Variants in NEK5 observed in about 807,000 individuals in gnomAD.
NEK5 encodes the protein NIMA related kinase 5, also known as serine/threonine-protein kinase Nek5.
Under a neutral mutation model 109.2 loss-of-function variants are expected in NEK5, and 88 were observed. That is an observed-to-expected ratio of 0.81 (90% CI 0.68 to 0.96). The LOEUF (loss-of-function observed/expected upper bound fraction) is 0.96, where lower values mean the gene tolerates loss of function less well. Among genes scored for constraint, NEK5 ranks in the 40% least tolerant of loss-of-function variants. The probability of loss-of-function intolerance (pLI) is 0.00; values close to 1 mark genes in which losing one functional copy is unlikely to be tolerated. For synonymous variants in NEK5, 283 were observed against 299.9 expected (o/e 0.94, Z 0.58); for missense variants, 834 against 920.7 (o/e 0.91, Z 1.22).
At chr13:52,052,933 A>T (rs1486401497) in intron 22 of NEK5, among the ~76,000 whole-genome samples, 1 of 152,144 alleles carries the variant, frequency 6.6e-6, no homozygotes, top group Non-Finnish European at 1.5e-5. Context: ...GTACAAATTT[A>T]GGGTTGGCTT....
At chr13:52,099,944 A>T in intron 11 of NEK5, 68 bp from the exon 12 acceptor site, 1 of 1,224,340 alleles carries the variant, frequency 8.2e-7, no homozygotes, top group Non-Finnish European at 1.2e-6. Flanking sequence ...TGATACTTGT[A>T]AGAGTATAAA....
At chr13:52,091,293 A>G (rs1358526885) in intron 13 of NEK5, among the ~76,000 whole-genome samples, 3 of 152,152 alleles carry the variant, frequency 2.0e-5, no homozygotes, top group Admixed American at 6.5e-5. Context: ...AGAAAAGAGA[A>G]AGGGAGTTTT....
chr13:52,103,687 G>C (rs1179269856), intron 9 of NEK5, among the ~76,000 whole-genome samples: 1 of 152,178 alleles, frequency 6.6e-6, no homozygotes, highest in Non-Finnish European at 1.5e-5. Flanking sequence ...TGCTGAACAC[G>C]GGCTTTCTTT....
At chr13:52,080,219 G>C (rs1393163459) in intron 17 of NEK5, among the ~76,000 whole-genome samples, 2 of 138,912 alleles carry the variant, frequency 1.4e-5, no homozygotes, top group Non-Finnish European at 3.3e-5. Context: ...GGAGGTGGGG[G>C]GGGGTCAGCC....
intron 23 of NEK5, among the ~76,000 whole-genome samples, chr13:52,046,703 C>A (rs1954462691): frequency 6.6e-6 from 1 of 151,698 alleles, no homozygotes; most frequent in Admixed American, 6.6e-5. Flanking sequence ...TGCACTCCAA[C>A]CTGGGTGATA....
chr13:52,053,437 T>A (rs1399796981), intron 22 of NEK5, among the ~76,000 whole-genome samples: 1 of 152,236 alleles, frequency 6.6e-6, no homozygotes, highest in African/African-American at 2.4e-5. Flanking sequence ...CTGAGTGCCC[T>A]ATTTTTAATT....
At chr13:52,100,418 G>A (rs1304490730) in intron 11 of NEK5, among the ~76,000 whole-genome samples, 1 of 152,166 alleles carries the variant, frequency 6.6e-6, no homozygotes, top group East Asian at 1.9e-4. Context: ...TGGGCCACCA[G>A]GTCCAGCTAA....
At chr13:52,056,420 T>C (rs970580608) in intron 22 of NEK5, among the ~76,000 whole-genome samples, 6 of 151,126 alleles carry the variant, frequency 4.0e-5, no homozygotes, top group African/African-American at 7.3e-5. Context: ...TACCCAGGAA[T>C]TGAACTCAGC....
chr13:52,070,380 A>G (rs975358818), intron 20 of NEK5, among the ~76,000 whole-genome samples: 1 of 152,150 alleles, frequency 6.6e-6, no homozygotes, highest in African/African-American at 2.4e-5. Context: ...TTAGTAACTG[A>G]TATCGTTTGG....
rs576037994 is a variant in NEK5 at position 52,042,250 on chromosome 13, A to T, written c.2229-5032T>A. On this transcript the variant is annotated intron_variant, in intron 23 of 23. Coordinates refer to ENST00000684899, the MANE Select transcript of NEK5 (RefSeq NM_001365552.1). ...ACATATCATAAATAATTACTAAAGA[A>T]TATACATCAACAAGAAAAAAACTGA... Among the ~76,000 whole-genome samples the T allele has an allele frequency of 8.0e-4, 122 of 151,996 alleles. No homozygotes were observed. The South Asian group carries it at 0.024, about 30-fold the overall frequency.
rs754004977 is a variant in NEK5 at position 52,127,438 on chromosome 13, G to A, written c.45C>T (p.Phe15=). Residue 15 remains phenylalanine, a synonymous_variant, in exon 3 of 24, where the codon TTC becomes TTT. Coordinates refer to ENST00000684899, the MANE Select transcript of NEK5 (RefSeq NM_001365552.1). ...DVIKAIGQGA[F]GKAYLAKGKS... ...TCCCTTTAGCTAAGTATGCTTTCCC[G>A]AAGGCACCTTGCCCGATGGCCTTAA... The A allele has an allele frequency of 8.1e-6, 13 of 1,612,764 alleles. No individual in the cohort carries two copies. Among genetic ancestry groups the A allele is most frequent in the African/African-American group, 4.0e-5 (3 of 74,878 alleles).
At chr13:52,079,205 G>A (rs113287661) in intron 17 of NEK5, among the ~76,000 whole-genome samples, 4 of 148,916 alleles carry the variant, frequency 2.7e-5, no homozygotes, top group African/African-American at 9.9e-5. Context: ...TATTTCAGTA[G>A]AGAAATAAGC....
At chr13:52,115,305 G>C (rs1955835410) in intron 4 of NEK5, among the ~76,000 whole-genome samples, 1 of 151,292 alleles carries the variant, frequency 6.6e-6, no homozygotes, top group South Asian at 2.1e-4. Context: ...CCGGCCGACA[G>C]AGATAGCTTA....
chr13:52,076,861 G>GGTTA (rs1380127299), intron 17 of NEK5, among the ~76,000 whole-genome samples: 1 of 152,120 alleles, frequency 6.6e-6, no homozygotes, highest in Non-Finnish European at 1.5e-5. Flanking sequence ...CCTCAAAATG[G>GGTTA]GTTAGCACAG....
chr13:52,086,390 T>A (rs2137893581), intron 15 of NEK5, 27 bp from the exon 16 acceptor site: 1 of 1,366,712 alleles, frequency 7.3e-7, no homozygotes, highest in African/African-American at 1.4e-5. Flanking sequence ...ATCCAGAAAC[T>A]TTAAATGTTT....
chr13:52,039,925 G>A (rs542102629), intron 23 of NEK5, among the ~76,000 whole-genome samples: 124 of 152,034 alleles, frequency 8.2e-4, no homozygotes, highest in Non-Finnish European at 3.4e-4. Context: ...GAGGTGATGA[G>A]GTCATGAGAG....
chr13:52,072,181 TCAACA>T, intron 19 of NEK5, 111 bp from the exon 20 acceptor site: 5 of 729,712 alleles, frequency 6.9e-6, no homozygotes, highest in Non-Finnish European at 1.1e-5. Context: ...TAGTAAATAT[TCAACA>T]AATGTTTACT....
chr13:52,063,157 C>T (rs976014060), intron 21 of NEK5, among the ~76,000 whole-genome samples: 1 of 152,170 alleles, frequency 6.6e-6, no homozygotes, highest in Non-Finnish European at 1.5e-5. Flanking sequence ...CATCTCGGCT[C>T]ACTGCAACCT....
intron 19 of NEK5, among the ~76,000 whole-genome samples, 164 bp from the exon 20 acceptor site, chr13:52,072,234 T>C (rs1954796340): frequency 6.6e-6 from 1 of 152,252 alleles, no homozygotes; most frequent in Non-Finnish European, 1.5e-5. Flanking sequence ...ACTAGAGCTA[T>C]GTTAGATAAA....
Sources: gnomAD v4.1 joint callset for allele counts (sites outside exome capture counted in the v4.1 genomes callset) on GRCh38, gnomAD v4.1.1 for gene constraint, MANE v1.5 for transcripts, NCBI Gene and HGNC (gene_info 2026-07-23, HGNC 2026-07-21) for gene names.